Variants in MMD2 observed in about 807,000 individuals in gnomAD.
MMD2 encodes the protein monocyte to macrophage differentiation factor 2.
Under a neutral mutation model 33.5 loss-of-function variants are expected in MMD2, and 30 were observed. The observed-to-expected ratio is 0.90, with a 90% CI of 0.67 to 1.22. The LOEUF is 1.22. MMD2 is among the 50% of genes most tolerant of loss of function. MMD2 has a pLI of 0.00. For missense variants in MMD2, 364 were observed against 325.4 expected, an observed-to-expected ratio of 1.12 and a Z score of -0.91; for synonymous variants, 129 against 123.0, an observed-to-expected ratio of 1.05 and a Z score of -0.32.
downstream of MMD2, among the ~76,000 whole-genome samples, chr7:4,902,815 C>G (rs778747645): frequency 1.3e-5 from 2 of 152,206 alleles, no homozygotes; most frequent in African/African-American, 2.4e-5. Flanking sequence ...TCTCAGCACT[C>G]GTGGTGCATG....
chr7:4,949,565 G>T (rs1186592225), intron 1 of MMD2, among the ~76,000 whole-genome samples: 2 of 151,754 alleles, frequency 1.3e-5, no homozygotes, highest in African/African-American at 4.8e-5. Context: ...ACGCTGGAGT[G>T]CAATGGTGCA....
At position 4,946,215 on chromosome 7, in the gene MMD2, A is replaced by G. The variant is rs541889828; in HGVS notation, c.47+12756T>C. Among the ~76,000 whole-genome samples, 4 of 151,746 alleles carry G rather than the reference A, an allele frequency of 2.6e-5. No individual in the cohort carries two copies. Among genetic ancestry groups the G allele is most frequent in the African/African-American group, 4.8e-5 (2 of 41,394 alleles). On this transcript the variant is annotated intron_variant, in intron 1 of 6. Coordinates refer to ENST00000401401, the MANE Select transcript of MMD2 (RefSeq NM_198403.4). The surrounding 1 kb of genome is among the most constrained non-coding windows in gnomAD (Gnocchi z 5.0). Reference sequence around the variant, plus strand: ...CACACCCACACACACGCATGCACACACATGCACACATACACGCACACACAC... The same window carrying G: ...CACACCCACACACACGCATGCACACGCATGCACACATACACGCACACACAC...
intron 6 of MMD2, among the ~76,000 whole-genome samples, chr7:4,909,079 T>G (rs1784939917): frequency 6.6e-6 from 1 of 152,016 alleles, no homozygotes; most frequent in South Asian, 2.1e-4. Flanking sequence ...GTAGAGAAAA[T>G]AATTTTTGTT....
At chr7:4,900,415 G>C in the MMD2 span, among the ~76,000 whole-genome samples, 1 of 152,070 alleles carries the variant, frequency 6.6e-6, no homozygotes, top group Admixed American at 6.6e-5. Context: ...GTGTGCATGG[G>C]GTGCAGGTCA....
intron 1 of MMD2, among the ~76,000 whole-genome samples, chr7:4,944,265 A>C: frequency 6.7e-6 from 1 of 149,000 alleles, no homozygotes; most frequent in East Asian, 2.0e-4. Flanking sequence ...ACAGAGCAAG[A>C]AAAAAAAAAT....
At chr7:4,904,152 C>T (rs1410734819), downstream of MMD2, among the ~76,000 whole-genome samples, 1 of 152,092 alleles carries the variant, frequency 6.6e-6, no homozygotes, top group South Asian at 2.1e-4. Context: ...AGGCTGGTCT[C>T]GAACTCCTGA....
chr7:4,951,791 G>A (rs976786264), intron 1 of MMD2, among the ~76,000 whole-genome samples: 1 of 151,938 alleles, frequency 6.6e-6, no homozygotes. Flanking sequence ...GTACAGACAG[G>A]GTCTTGCTAT....
At chr7:4,923,967 T>C (rs1030807280) in intron 2 of MMD2, among the ~76,000 whole-genome samples, 5 of 151,456 alleles carry the variant, frequency 3.3e-5, no homozygotes, top group Non-Finnish European at 5.9e-5. Flanking sequence ...CCAAGGCGGG[T>C]GGATCACGAG....
chr7:4,951,674 A>G (rs1241769907), intron 1 of MMD2, among the ~76,000 whole-genome samples: 2 of 152,098 alleles, frequency 1.3e-5, no homozygotes, highest in East Asian at 3.9e-4. Flanking sequence ...ATCATGGCTC[A>G]CTGTAACCTC....
chr7:4,910,117 C>A, intron 5 of MMD2, 167 bp from the exon 6 acceptor site: 1 of 1,486,370 alleles, frequency 6.7e-7, no homozygotes, highest in East Asian at 2.3e-5. Context: ...CCAGCTACAT[C>A]CAACAGGTGC....
At chr7:4,917,707 A>G (rs1375932419) in intron 3 of MMD2, among the ~76,000 whole-genome samples, 1 of 151,848 alleles carries the variant, frequency 6.6e-6, no homozygotes, top group Non-Finnish European at 1.5e-5. Flanking sequence ...AAAAAATAAA[A>G]AATAGATAAA....
the MMD2 span, among the ~76,000 whole-genome samples, chr7:4,896,269 C>T: frequency 6.6e-6 from 1 of 152,110 alleles, no homozygotes; most frequent in African/African-American, 2.4e-5. Flanking sequence ...TGCCTGAGCT[C>T]AGGAGTTTGA....
chr7:4,928,066 G>A (rs1444231922), intron 1 of MMD2, among the ~76,000 whole-genome samples: 1 of 152,166 alleles, frequency 6.6e-6, no homozygotes, highest in Non-Finnish European at 1.5e-5. Flanking sequence ...ACCAGCAGCC[G>A]GGACCACAGC....
intron 2 of MMD2, among the ~76,000 whole-genome samples, chr7:4,923,964 G>A (rs372093042): frequency 3.7e-4 from 56 of 152,200 alleles, no homozygotes; most frequent in East Asian, 2.7e-3. Flanking sequence ...AGGCCAAGGC[G>A]GGTGGATCAC....
downstream of MMD2, among the ~76,000 whole-genome samples, chr7:4,904,661 T>G (rs1206959536): frequency 6.6e-6 from 1 of 152,218 alleles, no homozygotes; most frequent in Non-Finnish European, 1.5e-5. Flanking sequence ...GTGCATTTGT[T>G]ATCCTGCTGC....
intron 1 of MMD2, among the ~76,000 whole-genome samples, chr7:4,939,401 G>C (rs1785839766): frequency 6.6e-6 from 1 of 151,978 alleles, no homozygotes; most frequent in Non-Finnish European, 1.5e-5. Flanking sequence ...AAATTAGCCA[G>C]GTGTGGTGGT....
downstream of MMD2, among the ~76,000 whole-genome samples, chr7:4,901,627 G>C (rs1473686156): frequency 6.6e-6 from 1 of 152,214 alleles, no homozygotes; most frequent in African/African-American, 2.4e-5. Flanking sequence ...AGGTTCGACT[G>C]GCACCAGACT....
At chr7:4,893,730 T>C in the MMD2 span, among the ~76,000 whole-genome samples, 4 of 152,080 alleles carry the variant, frequency 2.6e-5, no homozygotes, top group African/African-American at 9.7e-5. Context: ...GGGTGGATTA[T>C]TCATGAGTTT....
the MMD2 span, among the ~76,000 whole-genome samples, chr7:4,895,626 T>A: frequency 2.0e-5 from 3 of 151,992 alleles, no homozygotes; most frequent in Non-Finnish European, 4.4e-5. Flanking sequence ...AACCTCCATC[T>A]CCCGGGTTCA....
Sources: allele counts gnomAD v4.1 joint callset (sites outside exome capture counted in the v4.1 genomes callset), GRCh38; gene constraint gnomAD v4.1.1; non-coding constraint Gnocchi (gnomAD v3.1); transcripts MANE v1.5; gene names NCBI Gene and HGNC (gene_info 2026-07-23, HGNC 2026-07-21).